The following TENM4 variants were observed in gnomAD, a reference collection of about 807,000 sequenced individuals.
The protein encoded by TENM4 is teneurin-4.
In TENM4, 82 loss-of-function variants were observed where a neutral mutation model predicts 243.3. The observed-to-expected ratio is 0.34, with a 90% CI of 0.28 to 0.40. TENM4 has a LOEUF of 0.40. Among genes scored for constraint, TENM4 ranks in the 10% least tolerant of loss-of-function variants. The probability of loss-of-function intolerance (pLI) is 1.00; values close to 1 mark genes in which losing one functional copy is unlikely to be tolerated. For missense variants in TENM4, 3,138 were observed against 3,673.3 expected (o/e 0.85, Z 3.77); for synonymous variants, 1,412 against 1,456.3 (o/e 0.97, Z 0.69).
At chr11:79,345,324 A>G (rs1222207514) in intron 1 of TENM4, among the ~76,000 whole-genome samples, 2 of 152,214 alleles carry the variant, frequency 1.3e-5, no homozygotes, top group Admixed American at 1.3e-4. Flanking sequence ...ACGTGACATT[A>G]TTACAAATGT....
At chr11:79,337,555 A>G (rs937219527) in intron 1 of TENM4, among the ~76,000 whole-genome samples, 1 of 152,152 alleles carries the variant, frequency 6.6e-6, no homozygotes, top group African/African-American at 2.4e-5. Context: ...GGTTGCTAAG[A>G]GTTGTAGGTT....
chr11:78,842,819 T>C (rs1167668948), intron 12 of TENM4, among the ~76,000 whole-genome samples: 2 of 152,268 alleles, frequency 1.3e-5, no homozygotes, highest in Non-Finnish European at 2.9e-5. Context: ...AGCTTCATTT[T>C]CCTATGGAGG....
At chr11:78,855,898 A>T in intron 11 of TENM4, 66 bp downstream of exon 11, 1 of 1,474,710 alleles carries the variant, frequency 6.8e-7, no homozygotes. Flanking sequence ...TGGGCTTCTT[A>T]ACTTTGGGTT....
chr11:78,702,522 C>G, intron 27 of TENM4, 119 bp from the exon 28 acceptor site: 9 of 1,159,832 alleles, frequency 7.8e-6, no homozygotes, highest in Non-Finnish European at 1.1e-5. Context: ...CTTGCTTGAT[C>G]CTCATGCAGC....
At chr11:79,106,303 C>G (rs1415451446) in intron 4 of TENM4, among the ~76,000 whole-genome samples, 1 of 152,204 alleles carries the variant, frequency 6.6e-6, no homozygotes, top group Non-Finnish European at 1.5e-5. Context: ...ATTCATGGAT[C>G]ACACCTTTGC....
chr11:79,027,045 G>A (rs1859099156), intron 6 of TENM4, among the ~76,000 whole-genome samples: 1 of 152,186 alleles, frequency 6.6e-6, no homozygotes. Flanking sequence ...ACTCCCATGT[G>A]TAATTTAAGG....
At chr11:79,094,851 G>A (rs1454601285) in intron 4 of TENM4, among the ~76,000 whole-genome samples, 1 of 152,148 alleles carries the variant, frequency 6.6e-6, no homozygotes, top group Non-Finnish European at 1.5e-5. Context: ...CAAAGGCTGG[G>A]GCCTGATTTA....
chr11:78,922,630 A>T (rs1456113417), intron 6 of TENM4, among the ~76,000 whole-genome samples: 1 of 152,226 alleles, frequency 6.6e-6, no homozygotes, highest in Non-Finnish European at 1.5e-5. Flanking sequence ...TGATCCAAAG[A>T]CTAGCAGTGA....
At chr11:79,327,715 G>C (rs1317860822) in intron 1 of TENM4, among the ~76,000 whole-genome samples, 5 of 142,622 alleles carry the variant, frequency 3.5e-5, no homozygotes, top group Non-Finnish European at 7.5e-5. Context: ...GACCTACTAA[G>C]GAAACCAATG....
chr11:79,078,223 G>A (rs574564750), intron 4 of TENM4, among the ~76,000 whole-genome samples: 1 of 152,236 alleles, frequency 6.6e-6, no homozygotes, highest in South Asian at 2.1e-4. Context: ...ATTCCTACTG[G>A]ACTAAAGTTT....
At chr11:78,792,971 A>G (rs1174106532) in intron 15 of TENM4, among the ~76,000 whole-genome samples, 2 of 152,242 alleles carry the variant, frequency 1.3e-5, no homozygotes, top group African/African-American at 2.4e-5. Context: ...GCGAAAGAGC[A>G]GGGAAAAGAC....
chr11:79,036,877 G>T (rs1430782313), intron 6 of TENM4, among the ~76,000 whole-genome samples: 3 of 151,996 alleles, frequency 2.0e-5, no homozygotes, highest in African/African-American at 7.2e-5. Context: ...TGGGCATGGT[G>T]GCGGTCACCT....
At chr11:79,393,893 G>T (rs758836386) in intron 1 of TENM4, among the ~76,000 whole-genome samples, 3 of 152,164 alleles carry the variant, frequency 2.0e-5, no homozygotes, top group Non-Finnish European at 2.9e-5. Context: ...CTCTGGCAGT[G>T]GGGGGTTGGA....
chr11:78,968,753 T>C (rs1308461060), intron 6 of TENM4, among the ~76,000 whole-genome samples: 1 of 152,194 alleles, frequency 6.6e-6, no homozygotes, highest in Non-Finnish European at 1.5e-5. Context: ...GTGAAGTAAA[T>C]TGTCTATGGT....
intron 1 of TENM4, among the ~76,000 whole-genome samples, chr11:79,400,869 C>A (rs1858446859): frequency 6.6e-6 from 1 of 152,218 alleles, no homozygotes; most frequent in South Asian, 2.1e-4. Context: ...AGAAGGTACA[C>A]TCAGCTCCAG....
intron 6 of TENM4, among the ~76,000 whole-genome samples, chr11:78,938,688 G>A (rs1856833956): frequency 6.6e-6 from 1 of 152,152 alleles, no homozygotes; most frequent in Admixed American, 6.5e-5. Flanking sequence ...CTCATTTGTT[G>A]CAAGCAGAAC....
intron 9 of TENM4, among the ~76,000 whole-genome samples, chr11:78,879,927 A>G (rs1236974298): frequency 6.6e-6 from 1 of 151,976 alleles, no homozygotes; most frequent in Non-Finnish European, 1.5e-5. Flanking sequence ...CAGCTGCCCC[A>G]TCTGGGAGGT....
At chr11:79,274,710 G>GA (rs951275219) in intron 2 of TENM4, among the ~76,000 whole-genome samples, 1 of 152,120 alleles carries the variant, frequency 6.6e-6, no homozygotes, top group African/African-American at 2.4e-5. Flanking sequence ...AATTGGGGGG[G>GA]AAAAAGGCTT....
intron 12 of TENM4, among the ~76,000 whole-genome samples, chr11:78,824,480 T>C (rs1218405416): frequency 1.3e-5 from 2 of 149,560 alleles, no homozygotes; most frequent in Non-Finnish European, 1.5e-5. Context: ...ACCCCCTACA[T>C]TGGGGATTGC....
Sources: gnomAD v4.1 joint callset for allele counts (sites outside exome capture counted in the v4.1 genomes callset) on GRCh38, gnomAD v4.1.1 for gene constraint, MANE v1.5 for transcripts, NCBI Gene and HGNC (gene_info 2026-07-23, HGNC 2026-07-21) for gene names.